The following CAMSAP1 variants were observed in gnomAD, a reference collection of about 807,000 sequenced individuals.
CAMSAP1 encodes the protein calmodulin-regulated spectrin-associated protein 1.
Under a neutral mutation model 143.5 loss-of-function variants are expected in CAMSAP1, and 58 were observed. That is an observed-to-expected ratio of 0.40 (90% CI 0.33 to 0.50). CAMSAP1 has a LOEUF of 0.50. Ranked by LOEUF, CAMSAP1 falls within the 20% of genes least tolerant of loss-of-function variation. The pLI is 0.45. For synonymous variants in CAMSAP1, 945 were observed against 859.3 expected, an observed-to-expected ratio of 1.10 and a Z score of -1.74; for missense variants, 1,969 against 2,115.7, an observed-to-expected ratio of 0.93 and a Z score of 1.36.
chr9:135,903,143 A>G (rs144732553), intron 1 of CAMSAP1, among the ~76,000 whole-genome samples: 26 of 152,338 alleles, frequency 1.7e-4, no homozygotes, highest in African/African-American at 6.3e-4. Flanking sequence ...GATCAACGCC[A>G]GGACTGCACT....
rs368924167 is a variant in CAMSAP1, at chr9:135,821,290, G to A, written c.3371C>T (p.Thr1124Met). ...GTGCGGGAGCGTCTCTACACTGGGC[G>A]TTGGGGTTTTACTTCGGGAGGAGCC... is the stretch of plus-strand genomic sequence containing the variant. Reference protein sequence around the residue: ...PQGSSRSKTPTPSVETLPHLR... With the variant: ...PQGSSRSKTPMPSVETLPHLR... The change falls in exon 11 of 17, where the codon ACG (threonine) becomes ATG (methionine). Residue 1124 changes from threonine (T) to methionine (M), a missense_variant. Physicochemically the swap from Thr to Met is moderately conservative, Grantham distance 81 (BLOSUM62 -1). This residue lies in a region of CAMSAP1 where 1,390 missense variants were observed against 1,420.8 expected (regional missense o/e 0.98). Coordinates refer to ENST00000389532, the MANE Select transcript of CAMSAP1 (RefSeq NM_015447.4). The surrounding 1 kb of genome is among the most constrained non-coding windows in gnomAD (Gnocchi z 4.6). 1.7e-5 allele frequency: 28 copies of A among 1,611,542 alleles called. No homozygotes were observed. Among genetic ancestry groups the A allele is most frequent in the East Asian group, 8.9e-5 (4 of 44,888 alleles).
chr9:135,907,053 C>G lies in CAMSAP1; in HGVS notation c.107G>C (p.Arg36Pro). The G allele has an allele frequency of 8.3e-7, 1 of 1,208,660 alleles. No homozygotes were observed. Among genetic ancestry groups the G allele is most frequent in the Non-Finnish European group, 1.0e-6 (1 of 960,404 alleles). 74.9% of individuals were successfully genotyped at this position (1,208,660 alleles called of 1,614,324 possible). A position where few individuals can be genotyped will look rare whatever the true frequency, so the allele number is the denominator to read the frequency against. The change falls in exon 1 of 17, where the codon CGC (arginine) becomes CCC (proline). Residue 36 changes from arginine to proline, a missense_variant. By Grantham distance (103) the Arg-to-Pro change is moderately radical (BLOSUM62 -2). Around this residue, in one of 4 missense-constraint regions of CAMSAP1, gnomAD observed 215 missense variants for 196.2 expected, o/e 1.10. Coordinates refer to ENST00000389532, the MANE Select transcript of CAMSAP1 (RefSeq NM_015447.4). ...LVPLDRYDAA[R>P]AKIAANLQWI... is the part of the protein sequence containing the mutation. ...CTGCAGGTTGGCGGCGATCTTGGCGCGCGCCGCGTCGTAGCGGTCCAGGGG... is the reference window on the plus strand; with the variant it reads ...CTGCAGGTTGGCGGCGATCTTGGCGGGCGCCGCGTCGTAGCGGTCCAGGGG...
At chr9:135,906,135 A>C (rs1838769897) in intron 1 of CAMSAP1, among the ~76,000 whole-genome samples, 1 of 152,258 alleles carries the variant, frequency 6.6e-6, no homozygotes, top group South Asian at 2.1e-4. Context: ...GGCCACTGTC[A>C]AACAGGGCAA....
chr9:135,896,465 G>C (rs142381396), intron 1 of CAMSAP1, among the ~76,000 whole-genome samples: 2 of 152,236 alleles, frequency 1.3e-5, no homozygotes, highest in Non-Finnish European at 1.5e-5. Context: ...CCCCTAGACA[G>C]AATTACTAGA....
At position 135,882,865 on chromosome 9, in the gene CAMSAP1, T is replaced by G. The variant is rs1230541287; in HGVS notation, c.374A>C (p.Asp125Ala). 1.3e-6 allele frequency: 2 copies of G among 1,551,522 alleles called. No individual in the cohort carries two copies. The highest frequency in any genetic ancestry group is 1.2e-5 in the South Asian group (1 of 84,050). Residue 125 changes from aspartate (D) to alanine (A), a missense_variant, in exon 2 of 17, where the codon GAT (aspartate) becomes GCT (alanine). Asp to Ala is a moderately radical substitution (Grantham distance 126). This residue lies in a region of CAMSAP1 where 215 missense variants were observed against 196.2 expected (regional missense o/e 1.10). Coordinates refer to ENST00000389532, the MANE Select transcript of CAMSAP1 (RefSeq NM_015447.4). The surrounding 1 kb of genome is among the most constrained non-coding windows in gnomAD (Gnocchi z 4.9). ...SRKGIYVMES[D>A]DTPVTESDLS... ...GTCGGACTCTGTCACGGGGGTGTCA[T>G]CACTCTCCATCACATAGATCCCTTT...
chr9:135,888,179 C>A (rs1235312040), intron 1 of CAMSAP1, among the ~76,000 whole-genome samples: 1 of 152,238 alleles, frequency 6.6e-6, no homozygotes, highest in Non-Finnish European at 1.5e-5. Context: ...CCGTTCCGAA[C>A]AACGAAAGGG....
At chr9:135,825,939 G>A (rs1269910761) in intron 8 of CAMSAP1, among the ~76,000 whole-genome samples, 3 of 152,178 alleles carry the variant, frequency 2.0e-5, no homozygotes, top group African/African-American at 7.2e-5. Context: ...CTCAAGGCAG[G>A]GAGCCCGGGG....
intron 7 of CAMSAP1, among the ~76,000 whole-genome samples, chr9:135,841,110 C>T (rs557563408): frequency 6.6e-5 from 10 of 152,302 alleles, no homozygotes; most frequent in Admixed American, 1.3e-4. Flanking sequence ...TTGAAATTCT[C>T]GCTGCCAGCA....
In CAMSAP1 at chr9:135,818,875, G is replaced by A; in HGVS notation, c.3959+135C>T. On this transcript the variant is annotated intron_variant, in intron 12 of 16. Coordinates refer to ENST00000389532, the MANE Select transcript of CAMSAP1 (RefSeq NM_015447.4). The surrounding 1 kb of genome is among the most constrained non-coding windows in gnomAD (Gnocchi z 7.7). ...AGGGGCCGTGAAAGTTCGGGGAGGT[G>A]GTCCATGGGAGGAGTAAGACCGTCA... The A allele has an allele frequency of 7.3e-7, 1 of 1,363,956 alleles. No individual in the cohort carries two copies. 84.5% of individuals were successfully genotyped at this position (1,363,956 alleles called of 1,614,324 possible).
chr9:135,902,735 C>T (rs1838654007), intron 1 of CAMSAP1, among the ~76,000 whole-genome samples: 1 of 151,704 alleles, frequency 6.6e-6, no homozygotes, highest in African/African-American at 2.4e-5. Flanking sequence ...ACATGGTTTC[C>T]AAATCAGTAG....
In CAMSAP1 at chr9:135,850,457, T is replaced by C. The variant is rs775237089; in HGVS notation, c.813A>G (p.Ile271Met). The C allele has an allele frequency of 1.9e-6, 3 of 1,570,804 alleles. No individual in the cohort carries two copies. The highest frequency in any genetic ancestry group is 2.4e-5 in the South Asian group (2 of 83,294). ...CCATCGACGTTACCTCCTTTAAGCA[T>C]ATATCTAATAGACAAAAAGAAAATC... ...YCPEQMKLDD[I>M]CLKEVTSMAD... Residue 271 changes from isoleucine to methionine, a missense_variant, in exon 6 of 17, where the codon ATA becomes ATG. Physicochemically the swap from Ile to Met is conservative, Grantham distance 10 (BLOSUM62 1). This residue lies in a region of CAMSAP1 where 221 missense variants were observed against 298.2 expected (regional missense o/e 0.74). Coordinates refer to ENST00000389532, the MANE Select transcript of CAMSAP1 (RefSeq NM_015447.4).
Position 135,811,299 on chromosome 9 carries a change from T to C in CAMSAP1, c.*10A>G, listed in dbSNP as rs368983345. On this transcript the variant is annotated 3_prime_UTR_variant, in exon 17 of 17. Transcript: ENST00000389532. This position sits in a 1 kb window ranked among gnomAD's most constrained non-coding sequence, Gnocchi z 4.9. ...TCTGGGTCACCCTTTGGACGCCAGC[T>C]GCACCGGGGTCATTTACGAGTCTGG... The C allele has an allele frequency of 6.2e-7, 1 of 1,609,582 alleles. No individual in the cohort carries two copies. The highest frequency in any genetic ancestry group is 1.3e-5 in the African/African-American group (1 of 74,948).
intron 3 of CAMSAP1, among the ~76,000 whole-genome samples, chr9:135,877,231 A>G (rs1337216764): frequency 6.6e-6 from 1 of 152,160 alleles, no homozygotes; most frequent in Non-Finnish European, 1.5e-5. Context: ...GAAAGAAGCC[A>G]AACACAAGAA....
chr9:135,836,087 T>A lies in CAMSAP1; in HGVS notation c.1046-8503A>T, dbSNP rs1038753464. 74 of 984,938 alleles carry A rather than the reference T, an allele frequency of 7.5e-5. No homozygotes were observed. The African/African-American group carries it at 1.2e-3, about 16-fold the overall frequency. 61.0% of individuals were successfully genotyped at this position (984,938 alleles called of 1,614,324 possible). ...TCTTATCCGACCAGGGGCAGAAACT[T>A]CGGAAAGAGAGCTGCCAAAATCCCC... On this transcript the variant is annotated intron_variant, in intron 7 of 16. Transcript: ENST00000389532.
At chr9:135,855,191 C>T (rs1368432888) in intron 5 of CAMSAP1, among the ~76,000 whole-genome samples, 2 of 152,044 alleles carry the variant, frequency 1.3e-5, no homozygotes, top group African/African-American at 4.8e-5. Flanking sequence ...AGGGTTTCAC[C>T]TTGTTGGCCA....
intron 10 of CAMSAP1, 107 bp downstream of exon 10, chr9:135,823,843 T>C: frequency 1.2e-6 from 1 of 820,166 alleles, no homozygotes; most frequent in Non-Finnish European, 2.0e-6. Context: ...AGGCACTCCC[T>C]ATAAAAGGGT....
intron 7 of CAMSAP1, chr9:135,836,583 T>C: frequency 1.0e-6 from 1 of 983,488 alleles, no homozygotes; most frequent in Non-Finnish European, 1.2e-6. Context: ...CCACACACTT[T>C]CTACCCATTC....
In CAMSAP1 at chr9:135,826,793, C is replaced by T. The variant is rs549305930; in HGVS notation, c.1223+614G>A. ...CACAGCACAAAGCTCACTCTTACTC[C>T]AAGGGAAGCTTCCTTCACCCCCTCC... On this transcript the variant is annotated intron_variant, in intron 8 of 16. Coordinates refer to ENST00000389532, the MANE Select transcript of CAMSAP1 (RefSeq NM_015447.4). This position sits in a 1 kb window ranked among gnomAD's most constrained non-coding sequence, Gnocchi z 4.4. Among the ~76,000 whole-genome samples the T allele has an allele frequency of 6.6e-6, 1 of 152,288 alleles. No individual in the cohort carries two copies. Among genetic ancestry groups the T allele is most frequent in the African/African-American group, 2.4e-5 (1 of 41,546 alleles).
intron 1 of CAMSAP1, among the ~76,000 whole-genome samples, chr9:135,885,641 A>G (rs1433396303): frequency 6.6e-6 from 1 of 152,226 alleles, no homozygotes; most frequent in Non-Finnish European, 1.5e-5. Flanking sequence ...CAATCTACCA[A>G]GTAGAAACGT....
Sources: allele counts gnomAD v4.1 joint callset (sites outside exome capture counted in the v4.1 genomes callset), GRCh38; gene constraint gnomAD v4.1.1; regional missense constraint gnomAD v4.1.1; non-coding constraint Gnocchi (gnomAD v3.1); transcripts MANE v1.5; gene names NCBI Gene and HGNC (gene_info 2026-07-23, HGNC 2026-07-21).